UNC13C: variants seen among roughly 807,000 people sequenced by gnomAD.
UNC13C encodes protein unc-13 homolog C.
In UNC13C, 174 loss-of-function variants were observed where a neutral mutation model predicts 245.4. The ratio of observed to expected loss-of-function variants is 0.71; its 90% CI spans 0.63 to 0.80. UNC13C has a LOEUF of 0.80. UNC13C is among the 30% of genes least tolerant of loss of function. The probability of loss-of-function intolerance (pLI) is 0.00; values close to 1 mark genes in which losing one functional copy is unlikely to be tolerated. For missense variants in UNC13C, 2,829 were observed against 2,602.9 expected (o/e 1.09, Z -1.89); for synonymous variants, 992 against 895.1 (o/e 1.11, Z -1.93).
intron 4 of UNC13C, among the ~76,000 whole-genome samples, chr15:54,208,808 T>A (rs1475673785): frequency 1.3e-5 from 2 of 152,122 alleles, no homozygotes; most frequent in Admixed American, 6.6e-5. Flanking sequence ...TAAACTATAG[T>A]ACTTTTGAGG....
At chr15:53,929,106 C>G in the UNC13C span, among the ~76,000 whole-genome samples, 3 of 152,156 alleles carry the variant, frequency 2.0e-5, no homozygotes, top group African/African-American at 7.2e-5. Context: ...CTGGGGAGGC[C>G]TCACAATCCT....
chr15:53,997,324 G>C (rs922760541), intron 1 of UNC13C, among the ~76,000 whole-genome samples: 53 of 152,218 alleles, frequency 3.5e-4, no homozygotes, highest in African/African-American at 1.2e-3. Context: ...ATACAAATCA[G>C]ATGTGTGCAT....
chr15:54,517,047 A>G (rs990514690), intron 24 of UNC13C, among the ~76,000 whole-genome samples: 1 of 152,132 alleles, frequency 6.6e-6, no homozygotes, highest in Non-Finnish European at 1.5e-5. Context: ...CAGTTTTTTA[A>G]GATTCTGGCC....
rs1900411683 is a variant in UNC13C, at chr15:54,105,721, T to C, written c.2984-37297T>C. 2.0e-5 allele frequency among the ~76,000 whole-genome samples: 3 copies of C among 152,324 alleles called. No homozygotes were observed. The South Asian group carries it at 6.2e-4, about 32-fold the overall frequency. On this transcript the variant is annotated intron_variant, in intron 2 of 32. Coordinates refer to ENST00000260323, the MANE Select transcript of UNC13C (RefSeq NM_001080534.3). ...GCAGAAATCATGAAAATCTGAACTA[T>C]GTCCTAAGGTAGTAGGAATGAATAG...
intron 26 of UNC13C, among the ~76,000 whole-genome samples, chr15:54,533,533 A>C (rs1895853511): frequency 6.6e-6 from 1 of 152,216 alleles, no homozygotes; most frequent in Non-Finnish European, 1.5e-5. Flanking sequence ...AACCTTCAAT[A>C]ACGATTTATT....
intron 20 of UNC13C, among the ~76,000 whole-genome samples, chr15:54,496,995 TAAAC>T (rs1278673893): frequency 1.3e-5 from 2 of 151,830 alleles, no homozygotes; most frequent in Non-Finnish European, 1.5e-5. Context: ...AATAGAAAAA[TAAAC>T]AAGAAAGAGG....
At chr15:54,550,147 C>T (rs182984820) in intron 28 of UNC13C, among the ~76,000 whole-genome samples, 100 of 152,264 alleles carry the variant, frequency 6.6e-4, no homozygotes, top group African/African-American at 2.4e-3. Context: ...ACTTCAGTCC[C>T]TGTTCCTCTA....
intron 4 of UNC13C, among the ~76,000 whole-genome samples, chr15:54,169,662 T>C (rs1351050945): frequency 6.6e-6 from 1 of 152,332 alleles, no homozygotes; most frequent in Non-Finnish European, 1.5e-5. Context: ...TCCTTGAATA[T>C]GAGGATTGCC....
At chr15:53,936,461 A>G in the UNC13C span, among the ~76,000 whole-genome samples, 1 of 152,120 alleles carries the variant, frequency 6.6e-6, no homozygotes, top group Non-Finnish European at 1.5e-5. Context: ...GGCTCTGGAG[A>G]GTCTGGGTAG....
chr15:54,130,005 T>TCTGTTACATTAAATTTA (rs2031310632), intron 2 of UNC13C, among the ~76,000 whole-genome samples: 1 of 151,772 alleles, frequency 6.6e-6, no homozygotes, highest in Non-Finnish European at 1.5e-5. Context: ...GTTATAACCT[T>TCTGTTACATTAAATTTA]TCTTCTGTTA....
At chr15:54,280,703 CATACATAT>C (rs1185133692) in intron 10 of UNC13C, among the ~76,000 whole-genome samples, 7 of 52,294 alleles carry the variant, frequency 1.3e-4, no homozygotes, top group African/African-American at 3.3e-4. Flanking sequence ...CATATGTATA[CATACATAT>C]ATACATATAT....
chr15:54,587,775 C>T (rs1025533585), intron 30 of UNC13C, among the ~76,000 whole-genome samples: 7 of 151,706 alleles, frequency 4.6e-5, no homozygotes, highest in Non-Finnish European at 8.8e-5. Flanking sequence ...CTCCTCTCTA[C>T]ACAAACAGCA....
At chr15:54,174,298 G>A (rs1224818104) in intron 4 of UNC13C, among the ~76,000 whole-genome samples, 2 of 152,092 alleles carry the variant, frequency 1.3e-5, no homozygotes, top group African/African-American at 2.4e-5. Context: ...TTCTTGTTAA[G>A]TGATTGCAAA....
At chr15:54,047,425 C>T (rs1481989175) in intron 2 of UNC13C, among the ~76,000 whole-genome samples, 1 of 151,990 alleles carries the variant, frequency 6.6e-6, no homozygotes, top group Non-Finnish European at 1.5e-5. Context: ...CCTTCCTTCT[C>T]CCCACCTGTC....
intron 19 of UNC13C, among the ~76,000 whole-genome samples, chr15:54,464,124 C>G (rs1263858650): frequency 6.6e-6 from 1 of 152,144 alleles, no homozygotes; most frequent in Non-Finnish European, 1.5e-5. Context: ...CCTAGTTCTC[C>G]ATATCTTGCC....
chr15:54,405,817 G>C lies in UNC13C; in HGVS notation c.4848-9165G>C, dbSNP rs561105028. Among the ~76,000 whole-genome samples, 7 of 152,096 alleles carry C rather than the reference G, an allele frequency of 4.6e-5. 1 individual carries two copies. The South Asian group carries it at 1.5e-3, about 32-fold the overall frequency. On this transcript the variant is annotated intron_variant, in intron 18 of 32. Coordinates refer to ENST00000260323, the MANE Select transcript of UNC13C (RefSeq NM_001080534.3). The stretch of plus-strand genomic sequence containing the variant: ...TTTCCACAAGGCAGAAAATAATAAA[G>C]AATTGTTTGGGAAACTGTTAGCTTT...
At chr15:54,402,831 C>G (rs528965128) in intron 18 of UNC13C, among the ~76,000 whole-genome samples, 43 of 152,238 alleles carry the variant, frequency 2.8e-4, no homozygotes, top group African/African-American at 1.0e-3. Flanking sequence ...AGATGGTGAG[C>G]ATTAATCCTT....
At chr15:53,880,713 T>C in the UNC13C span, among the ~76,000 whole-genome samples, 1 of 150,840 alleles carries the variant, frequency 6.6e-6, no homozygotes. Context: ...TTTTTTTTTC[T>C]GAAATCATCA....
the UNC13C span, among the ~76,000 whole-genome samples, chr15:53,903,114 G>A: frequency 6.6e-6 from 1 of 152,172 alleles, no homozygotes; most frequent in African/African-American, 2.4e-5. Context: ...CTCCAACACA[G>A]AGGATAAAAT....
Sources: gnomAD v4.1 joint callset for allele counts (sites outside exome capture counted in the v4.1 genomes callset) on GRCh38, gnomAD v4.1.1 for gene constraint, MANE v1.5 for transcripts, NCBI Gene and HGNC (gene_info 2026-07-23, HGNC 2026-07-21) for gene names.